Variants in APOLD1 observed in about 807,000 individuals in gnomAD.
APOLD1 encodes apolipoprotein L domain-containing protein 1.
A neutral mutation model predicts 15.3 loss-of-function variants in APOLD1; 22 were observed. The observed-to-expected ratio is 1.44, with a 90% CI of 1.03 to 2.05. The LOEUF (loss-of-function observed/expected upper bound fraction) is 2.05, where lower values mean the gene tolerates loss of function less well. Ranked by LOEUF, APOLD1 falls within the 30% of genes most tolerant of loss-of-function variation. The probability of loss-of-function intolerance (pLI) is 0.00; values close to 1 mark genes in which losing one functional copy is unlikely to be tolerated. For synonymous variants in APOLD1, 190 were observed against 167.4 expected, an observed-to-expected ratio of 1.13 and a Z score of -1.04; for missense variants, 394 against 353.5, an observed-to-expected ratio of 1.11 and a Z score of -0.92.
upstream of APOLD1, among the ~76,000 whole-genome samples, chr12:12,782,364 C>T (rs1427846954): frequency 2.2e-4 from 33 of 152,178 alleles, no homozygotes; most frequent in Admixed American, 2.2e-3. Flanking sequence ...TCTCCCAGAT[C>T]CCACTCCAGA....
intron 1 of APOLD1, among the ~76,000 whole-genome samples, chr12:12,743,353 T>C (rs1946741872): frequency 6.6e-6 from 1 of 151,692 alleles, no homozygotes; most frequent in Non-Finnish European, 1.5e-5. Flanking sequence ...GGCAACATAG[T>C]GAGACCCCAT....
In APOLD1 at chr12:12,767,910, C is replaced by T. The variant is rs575911251; in HGVS notation, c.97-18999C>T. 9.9e-5 allele frequency among the ~76,000 whole-genome samples: 15 copies of T among 151,998 alleles called. No individual in the cohort carries two copies. The South Asian group carries it at 3.1e-3, about 32-fold the overall frequency. ...AAGTGATTCTTCTGCCTCAGCCTCC[C>T]GAGTAGCTGGGACTACAGGCACGTG... On this transcript the variant is annotated intron_variant, in intron 1 of 1. Transcript: ENST00000326765.
At chr12:12,770,889 A>C (rs149390075) in intron 1 of APOLD1, among the ~76,000 whole-genome samples, 2 of 152,230 alleles carry the variant, frequency 1.3e-5, no homozygotes, top group East Asian at 3.9e-4. Flanking sequence ...TCTTATAGAG[A>C]AGAAAAGAAT....
intron 1 of APOLD1, among the ~76,000 whole-genome samples, chr12:12,743,888 C>T (rs1168853568): frequency 6.6e-6 from 1 of 152,154 alleles, no homozygotes; most frequent in Non-Finnish European, 1.5e-5. Context: ...ATGCAGCAGC[C>T]TCCAGAAGCT....
intron 1 of APOLD1, among the ~76,000 whole-genome samples, chr12:12,767,665 C>T (rs1003677168): frequency 1.3e-5 from 2 of 151,980 alleles, no homozygotes; most frequent in South Asian, 2.1e-4. Context: ...CAAAACAAAA[C>T]AAAAACAAAA....
chr12:12,742,424 T>C (rs1946735131), intron 1 of APOLD1, among the ~76,000 whole-genome samples: 2 of 152,140 alleles, frequency 1.3e-5, no homozygotes, highest in Non-Finnish European at 2.9e-5. Flanking sequence ...CTCACCTCCA[T>C]ATCGATTCAG....
At chr12:12,768,448 C>A (rs1173348578) in intron 1 of APOLD1, among the ~76,000 whole-genome samples, 7 of 151,760 alleles carry the variant, frequency 4.6e-5, no homozygotes, top group African/African-American at 1.7e-4. Context: ...GACTGGGAAA[C>A]CTAGGGAGTC....
At chr12:12,741,990 C>A (rs1209678385) in intron 1 of APOLD1, among the ~76,000 whole-genome samples, 1 of 152,206 alleles carries the variant, frequency 6.6e-6, no homozygotes, top group East Asian at 1.9e-4. Flanking sequence ...TATTCTCTTT[C>A]ACTTTCTGCC....
intron 1 of APOLD1, among the ~76,000 whole-genome samples, chr12:12,741,494 A>C (rs1367575555): frequency 6.6e-6 from 1 of 152,228 alleles, no homozygotes; most frequent in Non-Finnish European, 1.5e-5. Context: ...AATTACAGGC[A>C]TGAGCCATTG....
rs772672153 is a variant in APOLD1 at position 12,739,129 on chromosome 12, T to G, written c.96+13033T>G. Among the ~76,000 whole-genome samples the G allele has an allele frequency of 6.6e-5, 10 of 152,198 alleles. No homozygotes were observed. The South Asian group carries it at 2.1e-3, about 32-fold the overall frequency. ...ATCCTAAGAGATAAAGTTGGCTTGG[T>G]AGGTGGGGACAGATAGTAGGGGAGA... On this transcript the variant is annotated intron_variant, in intron 1 of 1. Transcript: ENST00000326765.
chr12:12,784,141 T>G (rs1196655245), upstream of APOLD1, among the ~76,000 whole-genome samples: 1 of 152,226 alleles, frequency 6.6e-6, no homozygotes, highest in African/African-American at 2.4e-5. Flanking sequence ...TACTATGATA[T>G]TGATGCTCTG....
chr12:12,784,314 G>A (rs146808210), upstream of APOLD1, among the ~76,000 whole-genome samples: 1 of 152,188 alleles, frequency 6.6e-6, no homozygotes, highest in African/African-American at 2.4e-5. Flanking sequence ...TCCCCAATTC[G>A]CGCTGGCCCA....
At chr12:12,785,784 A>T (rs1947119076) in intron 1 of APOLD1, 90 bp downstream of exon 1, 13 of 1,234,666 alleles carry the variant, frequency 1.1e-5, no homozygotes, top group Non-Finnish European at 1.6e-5. Context: ...GGGTTGGATT[A>T]TGGAAGCATG....
intron 1 of APOLD1, among the ~76,000 whole-genome samples, chr12:12,754,939 C>T (rs915572811): frequency 2.0e-5 from 3 of 150,990 alleles, no homozygotes; most frequent in Non-Finnish European, 4.4e-5. Context: ...CCTAGCTACT[C>T]GGGAGGCTGA....
chr12:12,779,110 C>T (rs1231423841), intron 1 of APOLD1, among the ~76,000 whole-genome samples: 1 of 152,056 alleles, frequency 6.6e-6, no homozygotes, highest in Admixed American at 6.6e-5. Flanking sequence ...CCAGACTGCC[C>T]TCCTCTCTCT....
At chr12:12,770,637 G>A (rs1946980325) in intron 1 of APOLD1, among the ~76,000 whole-genome samples, 2 of 149,876 alleles carry the variant, frequency 1.3e-5, no homozygotes, top group Non-Finnish European at 3.0e-5. Flanking sequence ...AGGTATAAGT[G>A]TGTAATGAGA....
intron 1 of APOLD1, among the ~76,000 whole-genome samples, chr12:12,759,270 A>G (rs757999993): frequency 6.6e-6 from 1 of 152,214 alleles, no homozygotes; most frequent in Non-Finnish European, 1.5e-5. Flanking sequence ...TTTTTAAACC[A>G]TTATGAACAC....
intron 1 of APOLD1, among the ~76,000 whole-genome samples, chr12:12,776,529 G>T (rs528397448): frequency 6.6e-6 from 1 of 152,298 alleles, no homozygotes; most frequent in African/African-American, 2.4e-5. Flanking sequence ...GGGCCCATGG[G>T]GCAAACGATT....
chr12:12,738,242 T>A (rs916206803), intron 1 of APOLD1, among the ~76,000 whole-genome samples: 1 of 141,376 alleles, frequency 7.1e-6, no homozygotes, highest in Non-Finnish European at 1.5e-5. Flanking sequence ...GGAGTCTTGC[T>A]CTATTGCCCA....
Sources: gnomAD v4.1 joint callset for allele counts (sites outside exome capture counted in the v4.1 genomes callset) on GRCh38, gnomAD v4.1.1 for gene constraint, MANE v1.5 for transcripts, NCBI Gene and HGNC (gene_info 2026-07-23, HGNC 2026-07-21) for gene names.